The following NPAS3 variants were observed in gnomAD, a reference collection of about 807,000 sequenced individuals.
NPAS3 encodes the protein neuronal PAS domain protein 3.
In NPAS3, 14 loss-of-function variants were observed where a neutral mutation model predicts 73.1. That is an observed-to-expected ratio of 0.19 (90% CI 0.13 to 0.30). The LOEUF (loss-of-function observed/expected upper bound fraction) is 0.30, where lower values mean the gene tolerates loss of function less well. Ranked by LOEUF, NPAS3 falls within the 10% of genes least tolerant of loss-of-function variation. The pLI, the probability that NPAS3 is intolerant of heterozygous loss-of-function variation, is 1.00. For missense variants in NPAS3, 1,096 were observed against 1,250.0 expected (o/e 0.88, Z 1.86); for synonymous variants, 620 against 541.5 (o/e 1.14, Z -2.01).
intron 9 of NPAS3, among the ~76,000 whole-genome samples, chr14:33,787,053 CA>C (rs1247999449): frequency 1.3e-5 from 2 of 148,320 alleles, no homozygotes; most frequent in Admixed American, 1.3e-4. Context: ...ATTCCCCCCC[CA>C]AAAGAGAAGG....
chr14:33,129,635 T>G lies in NPAS3; in HGVS notation c.140+73641T>G, dbSNP rs1031549654. ...TCTATTTGGTTGTTCCCAATTGTAGTAGTTTTAGAATCCAACACAGTTATG... is the reference window on the plus strand; with the variant it reads ...TCTATTTGGTTGTTCCCAATTGTAGGAGTTTTAGAATCCAACACAGTTATG... On this transcript the variant is annotated intron_variant, in intron 2 of 11. Transcript: ENST00000356141. 3.3e-5 allele frequency among the ~76,000 whole-genome samples: 5 copies of G among 152,172 alleles called. No individual in the cohort carries two copies. The East Asian group carries it at 9.6e-4, about 29-fold the overall frequency.
chr14:33,170,354 G>A (rs1566634929), intron 2 of NPAS3, among the ~76,000 whole-genome samples: 1 of 152,114 alleles, frequency 6.6e-6, no homozygotes, highest in Non-Finnish European at 1.5e-5. Flanking sequence ...AACTTTCAGG[G>A]AACCATAATC....
intron 4 of NPAS3, among the ~76,000 whole-genome samples, chr14:33,503,536 A>G (rs1382768409): frequency 6.6e-6 from 1 of 151,874 alleles, no homozygotes; most frequent in Non-Finnish European, 1.5e-5. Flanking sequence ...TCCAGTTAAC[A>G]CAGAGCTTCT....
At chr14:33,427,183 C>A (rs183205765) in intron 4 of NPAS3, among the ~76,000 whole-genome samples, 1 of 152,102 alleles carries the variant, frequency 6.6e-6, no homozygotes, top group Admixed American at 6.6e-5. Flanking sequence ...TTTATGAACA[C>A]TGTCTCCTAA....
At chr14:33,421,414 G>A (rs1428717565) in intron 4 of NPAS3, among the ~76,000 whole-genome samples, 1 of 151,834 alleles carries the variant, frequency 6.6e-6, no homozygotes, top group African/African-American at 2.4e-5. Flanking sequence ...GGTGAGATGG[G>A]GGAGAAAGCA....
chr14:33,364,071 G>A (rs988791088), intron 3 of NPAS3, among the ~76,000 whole-genome samples: 1 of 152,050 alleles, frequency 6.6e-6, no homozygotes, highest in South Asian at 2.1e-4. Flanking sequence ...GACCCGTTCG[G>A]CAATAGTAAG....
At chr14:33,328,213 C>G (rs1465658486) in intron 3 of NPAS3, among the ~76,000 whole-genome samples, 1 of 151,882 alleles carries the variant, frequency 6.6e-6, no homozygotes. Context: ...GAGCTGGGCC[C>G]CAAGGGATCC....
At chr14:33,738,495 G>T (rs989566176) in intron 7 of NPAS3, among the ~76,000 whole-genome samples, 6 of 152,198 alleles carry the variant, frequency 3.9e-5, no homozygotes, top group Non-Finnish European at 7.3e-5. Context: ...CCCCCAAGGA[G>T]TTACAGAGAT....
chr14:33,606,342 C>T (rs1345272270), intron 5 of NPAS3, among the ~76,000 whole-genome samples: 12 of 150,292 alleles, frequency 8.0e-5, no homozygotes, highest in South Asian at 2.1e-4. Context: ...TTTGTTCTTG[C>T]GATAGTTTAC....
chr14:32,994,838 G>C (rs1318482832), intron 1 of NPAS3, among the ~76,000 whole-genome samples: 2 of 152,010 alleles, frequency 1.3e-5, no homozygotes, highest in Non-Finnish European at 2.9e-5. Flanking sequence ...CGCCATGTTG[G>C]CCAGGCTGGT....
chr14:33,565,553 AG>A (rs1440677546), intron 5 of NPAS3, among the ~76,000 whole-genome samples: 8 of 152,148 alleles, frequency 5.3e-5, no homozygotes, highest in African/African-American at 1.9e-4. Flanking sequence ...AATCAAGTTG[AG>A]GTTAGTATGT....
rs73257006 is a variant in NPAS3, at chr14:33,680,462, T to C, written c.733+4077T>C. The C allele has an allele frequency of 5.4e-3, 3,348 of 622,646 alleles. 64 individuals are homozygous for C. The highest frequency in any genetic ancestry group is 0.045 in the African/African-American group (2,464 of 54,352). 38.6% of individuals were successfully genotyped at this position (622,646 alleles called of 1,614,324 possible). A position where few individuals can be genotyped will look rare whatever the true frequency, so the allele number is the denominator to read the frequency against. On this transcript the variant is annotated intron_variant, in intron 6 of 11. Transcript: ENST00000356141. ...CTCCTAGATTTAGTTTCTGTTCCTG[T>C]TCCTGTGTATGTAGGTATGTATGTG...
At chr14:32,938,525 AG>A (rs146147441), upstream of NPAS3, among the ~76,000 whole-genome samples, 24,519 of 64,544 alleles carry the variant, frequency 0.38, 3,655 homozygotes, top group African/African-American at 0.43. Flanking sequence ...GAGAGAGAGA[AG>A]GGGGGGGAGG....
intron 4 of NPAS3, among the ~76,000 whole-genome samples, chr14:33,535,812 A>T (rs373749453): frequency 6.6e-6 from 1 of 152,168 alleles, no homozygotes; most frequent in African/African-American, 2.4e-5. Context: ...TTGTTAGTAA[A>T]TATTTTATTC....
chr14:33,746,738 T>C lies in NPAS3; in HGVS notation c.852+11406T>C, dbSNP rs187556913. On this transcript the variant is annotated intron_variant, in intron 7 of 11. Transcript: ENST00000356141. ...AATAAACAGTAGGTGAAAAAACATATATTTCTTTTTTTATTATTATTATAC... is the reference window on the plus strand; with the variant it reads ...AATAAACAGTAGGTGAAAAAACATACATTTCTTTTTTTATTATTATTATAC... 7.9e-5 allele frequency among the ~76,000 whole-genome samples: 12 copies of C among 151,600 alleles called. No homozygotes were observed. In the East Asian group the frequency reaches 2.3e-3, roughly 29 times the overall value.
intron 6 of NPAS3, among the ~76,000 whole-genome samples, chr14:33,710,617 C>T (rs929722772): frequency 7.2e-5 from 11 of 152,042 alleles, no homozygotes; most frequent in African/African-American, 2.2e-4. Context: ...CTGTCAGTGC[C>T]GACAAGGGGA....
intron 4 of NPAS3, among the ~76,000 whole-genome samples, chr14:33,555,303 A>G (rs1363103557): frequency 6.6e-6 from 1 of 152,256 alleles, no homozygotes; most frequent in Non-Finnish European, 1.5e-5. Context: ...AGGAGGGACT[A>G]GCATTAACAT....
chr14:33,062,021 CT>C, intron 2 of NPAS3, among the ~76,000 whole-genome samples: 1 of 152,064 alleles, frequency 6.6e-6, no homozygotes, highest in African/African-American at 2.4e-5. Flanking sequence ...AAGTGGAGGG[CT>C]GGGGAACGGT....
intron 5 of NPAS3, among the ~76,000 whole-genome samples, chr14:33,647,405 T>C (rs537005820): frequency 6.6e-6 from 1 of 152,178 alleles, no homozygotes; most frequent in South Asian, 2.1e-4. Flanking sequence ...GATCACTTGA[T>C]CACTCTTTGA....
Sources: allele counts gnomAD v4.1 joint callset (sites outside exome capture counted in the v4.1 genomes callset), GRCh38; gene constraint gnomAD v4.1.1; transcripts MANE v1.5; gene names NCBI Gene and HGNC (gene_info 2026-07-23, HGNC 2026-07-21).